SLC2A5: variants seen among roughly 807,000 people sequenced by gnomAD.
The protein encoded by SLC2A5 is solute carrier family 2 member 5.
SLC2A5 carries 56 observed loss-of-function variants against 50.3 expected under a neutral mutation model. That is an observed-to-expected ratio of 1.11 (90% CI 0.90 to 1.39). The LOEUF (loss-of-function observed/expected upper bound fraction) is 1.39, where lower values mean the gene tolerates loss of function less well. SLC2A5 is among the 40% of genes most tolerant of loss of function. The probability of loss-of-function intolerance (pLI) is 0.00; values close to 1 mark genes in which losing one functional copy is unlikely to be tolerated. For missense variants in SLC2A5, 566 were observed against 650.1 expected, an observed-to-expected ratio of 0.87 and a Z score of 1.41; for synonymous variants, 269 against 281.9, an observed-to-expected ratio of 0.95 and a Z score of 0.46.
At chr1:9,053,147 A>ATATATATTTTATATATT (rs1160292952) in intron 3 of SLC2A5, among the ~76,000 whole-genome samples, 3 of 63,088 alleles carry the variant, frequency 4.8e-5, no homozygotes, top group African/African-American at 7.0e-5. Context: ...TTATATGTTA[A>ATATATATTTTATATATT]TATATATTTT....
intron 2 of SLC2A5, among the ~76,000 whole-genome samples, chr1:9,074,988 C>T (rs551287851): frequency 6.6e-6 from 1 of 151,850 alleles, no homozygotes; most frequent in Non-Finnish European, 1.5e-5. Flanking sequence ...AGCCACAGAA[C>T]TCGGCTTGAG....
At chr1:9,053,099 T>A (rs993364322) in intron 3 of SLC2A5, among the ~76,000 whole-genome samples, 25 of 109,662 alleles carry the variant, frequency 2.3e-4, no homozygotes, top group Admixed American at 5.3e-4. Flanking sequence ...AATATATATT[T>A]ATATATAATA....
intron 2 of SLC2A5, among the ~76,000 whole-genome samples, chr1:9,075,017 T>A (rs557699359): frequency 6.8e-6 from 1 of 148,114 alleles, no homozygotes; most frequent in South Asian, 2.2e-4. Flanking sequence ...TGAGATCCCA[T>A]CTCAAAAAAC....
At chr1:9,053,953 A>G (rs1005118175) in intron 3 of SLC2A5, among the ~76,000 whole-genome samples, 3 of 152,060 alleles carry the variant, frequency 2.0e-5, no homozygotes, top group Non-Finnish European at 4.4e-5. Flanking sequence ...ACAATGATAG[A>G]AAGTAGATTT....
chr1:9,044,010 C>T (rs796239024), intron 4 of SLC2A5, among the ~76,000 whole-genome samples: 26 of 151,826 alleles, frequency 1.7e-4, no homozygotes, highest in African/African-American at 5.8e-4. Context: ...GCATGAGCCA[C>T]CGTGCCTGGC....
chr1:9,053,459 ATATTATATATAT>A (rs1320699773), intron 3 of SLC2A5, among the ~76,000 whole-genome samples: 3 of 52,394 alleles, frequency 5.7e-5, no homozygotes, highest in African/African-American at 2.6e-4. Context: ...ATATTTATAT[ATATTATATATAT>A]TTATATATAT....
chr1:9,059,229 G>C (rs912947478), intron 1 of SLC2A5, among the ~76,000 whole-genome samples: 1 of 131,432 alleles, frequency 7.6e-6, no homozygotes, highest in Non-Finnish European at 1.5e-5. Context: ...TGCAAGCTCC[G>C]CCTCCTGGGT....
chr1:9,087,393 A>G (rs1403252866), intron 1 of SLC2A5, among the ~76,000 whole-genome samples: 1 of 151,834 alleles, frequency 6.6e-6, no homozygotes, highest in African/African-American at 2.4e-5. Flanking sequence ...TTTAGTAGAG[A>G]TGGGGTTTCA....
intron 2 of SLC2A5, among the ~76,000 whole-genome samples, chr1:9,081,989 C>T (rs1039918713): frequency 9.2e-5 from 14 of 151,854 alleles, no homozygotes; most frequent in African/African-American, 2.9e-4. Flanking sequence ...GGCCAAGGCA[C>T]GAGAATTGCT....
chr1:9,072,605 T>G (rs543640319), upstream of SLC2A5, among the ~76,000 whole-genome samples: 159 of 151,954 alleles, frequency 1.0e-3, no homozygotes, highest in African/African-American at 3.2e-3. Flanking sequence ...AAATTGACAA[T>G]CACTTGGTGA....
At chr1:9,063,681 CTTTTTTTTTTTTTTTTTTTTT>C (rs70985579) in intron 1 of SLC2A5, among the ~76,000 whole-genome samples, 5 of 45,168 alleles carry the variant, frequency 1.1e-4, no homozygotes, top group African/African-American at 4.4e-4. Context: ...CTATTATTTA[CTTTTTTTTTTTTTTTTTTTTT>C]TTTTTTTTTT....
chr1:9,043,603 T>C (rs533716007), intron 4 of SLC2A5, among the ~76,000 whole-genome samples: 19 of 152,172 alleles, frequency 1.2e-4, no homozygotes, highest in Non-Finnish European at 1.6e-4. Context: ...CTCAGGAGGT[T>C]TGTGAAGAGA....
At chr1:9,061,897 T>C (rs951043377) in intron 1 of SLC2A5, among the ~76,000 whole-genome samples, 4 of 152,142 alleles carry the variant, frequency 2.6e-5, no homozygotes, top group South Asian at 2.1e-4. Flanking sequence ...CCAGCAAAAA[T>C]GATCAGAGAG....
intron 1 of SLC2A5, among the ~76,000 whole-genome samples, chr1:9,086,919 G>A (rs1642406872): frequency 6.6e-6 from 1 of 152,078 alleles, no homozygotes; most frequent in Non-Finnish European, 1.5e-5. Flanking sequence ...AGCATAACCA[G>A]AAACATTCCA....
Position 9,038,943 on chromosome 1 carries a change from G to A in SLC2A5, c.997-14C>T. ...CACCACGAACACCTACAGGAGGGTGGCAGGGCTCAGGCGGGAGAGGCCCAG... is the reference window on the plus strand; with the variant it reads ...CACCACGAACACCTACAGGAGGGTGACAGGGCTCAGGCGGGAGAGGCCCAG... On this transcript the variant is annotated splice_polypyrimidine_tract_variant and intron_variant, in intron 8 of 11. Coordinates refer to ENST00000377424, the MANE Select transcript of SLC2A5 (RefSeq NM_003039.3). 6.2e-7 allele frequency: 1 copy of A among 1,609,424 alleles called. No individual in the cohort carries two copies. Among genetic ancestry groups the A allele is most frequent in the Non-Finnish European group, 8.5e-7 (1 of 1,178,544 alleles).
chr1:9,050,550 T>G (rs909105979), intron 3 of SLC2A5, among the ~76,000 whole-genome samples: 3 of 152,096 alleles, frequency 2.0e-5, no homozygotes, highest in Admixed American at 6.6e-5. Flanking sequence ...ACCTTAGAAT[T>G]TTCCCAAATA....
intron 3 of SLC2A5, 88 bp from the exon 4 acceptor site, chr1:9,047,822 C>A: frequency 1.4e-6 from 2 of 1,410,712 alleles, no homozygotes; most frequent in South Asian, 2.5e-5. Flanking sequence ...TCTGCATAGG[C>A]TCCAGCAGTT....
chr1:9,064,198 C>T (rs1222701904), intron 1 of SLC2A5, among the ~76,000 whole-genome samples: 1 of 152,106 alleles, frequency 6.6e-6, no homozygotes, highest in Admixed American at 6.6e-5. Flanking sequence ...TGCAGTACTA[C>T]ATTTTAAAAG....
chr1:9,041,968 G>A (rs1194925032), intron 4 of SLC2A5, 31 bp from the exon 5 acceptor site: 3 of 1,544,742 alleles, frequency 1.9e-6, no homozygotes, highest in South Asian at 2.5e-5. Flanking sequence ...AACACCATCA[G>A]AAAAAATTAG....
Sources: gnomAD v4.1 joint callset for allele counts (sites outside exome capture counted in the v4.1 genomes callset) on GRCh38, gnomAD v4.1.1 for gene constraint, MANE v1.5 for transcripts, NCBI Gene and HGNC (gene_info 2026-07-23, HGNC 2026-07-21) for gene names.